RAPGEF2: variants seen among roughly 807,000 people sequenced by gnomAD.
RAPGEF2 encodes the protein PDZ domain containing guanine nucleotide exchange factor (GEF) 1.
A neutral mutation model predicts 186.7 loss-of-function variants in RAPGEF2; 54 were observed. The observed-to-expected ratio is 0.29, with a 90% CI of 0.23 to 0.36. RAPGEF2 has a LOEUF of 0.36. Ranked by LOEUF, RAPGEF2 falls within the 10% of genes least tolerant of loss-of-function variation. The pLI is 1.00. For missense variants in RAPGEF2, 1,532 were observed against 2,045.0 expected (o/e 0.75, Z 4.84); for synonymous variants, 712 against 705.9 (o/e 1.01, Z -0.14).
rs185801390 is a variant in RAPGEF2, at chr4:159,124,594, C to A, written c.69+20363C>A. On this transcript the variant is annotated intron_variant, in intron 1 of 29. Coordinates refer to ENST00000691494, the MANE Select transcript of RAPGEF2 (RefSeq NM_001394067.2). Reference sequence around the variant, plus strand: ...TAATTACAAGCCTGTAATCTTTTTGCTGAAGATATATCTTTACGCAAAGAA... The same window carrying A: ...TAATTACAAGCCTGTAATCTTTTTGATGAAGATATATCTTTACGCAAAGAA... 9.3e-4 allele frequency among the ~76,000 whole-genome samples: 142 copies of A among 152,206 alleles called. 1 individual carries two copies. The highest frequency in any genetic ancestry group is 6.3e-3 in the Admixed American group (97 of 15,294).
rs1747238712 is a variant in RAPGEF2 at position 159,183,542 on chromosome 4, CAAAAG to C, written c.70-3095_70-3091del. Among the ~76,000 whole-genome samples the C allele has an allele frequency of 2.0e-5, 3 of 152,044 alleles. No homozygotes were observed. In the South Asian group the frequency reaches 6.2e-4, roughly 32 times the overall value. ...AATATTACTCTAAAAGCTCATGCAA[CAAAAG>C]AAAATAAATTGGACTTCAAAATTAA... On this transcript the variant is annotated intron_variant, in intron 1 of 29. Transcript: ENST00000691494.
Position 159,294,687 on chromosome 4 carries a change from CTTCT to C in RAPGEF2, c.544-9651_544-9648del, listed in dbSNP as rs1380565634. ...CCTTCCTTCCTTCCTTCCTTCCTTC[CTTCT>C]TTCCGTCCGTCTGTCCGTCCTTCCA... On this transcript the variant is annotated intron_variant, in intron 7 of 29. Coordinates refer to ENST00000691494, the MANE Select transcript of RAPGEF2 (RefSeq NM_001394067.2). Among the ~76,000 whole-genome samples the C allele has an allele frequency of 2.8e-5, 4 of 142,270 alleles. No homozygotes were observed. In the East Asian group the frequency reaches 7.9e-4, roughly 28 times the overall value. 93.3% of individuals were successfully genotyped at this position (142,270 alleles called of 152,430 possible).
intron 3 of RAPGEF2, among the ~76,000 whole-genome samples, chr4:159,198,271 C>CTTCTTTCTTTCTTTCT (rs201152378): frequency 9.6e-6 from 1 of 104,484 alleles, no homozygotes; most frequent in Non-Finnish European, 1.8e-5. Context: ...TCTTTCTTTC[C>CTTCTTTCTTTCTTTCT]TTCTTTCTTT....
At chr4:159,181,377 A>ATC (rs1746991161) in intron 1 of RAPGEF2, among the ~76,000 whole-genome samples, 1 of 152,138 alleles carries the variant, frequency 6.6e-6, no homozygotes, top group Non-Finnish European at 1.5e-5. Context: ...ACTTTTCCAG[A>ATC]TACACTTTTC....
At chr4:159,253,179 G>A (rs1025742114) in intron 7 of RAPGEF2, among the ~76,000 whole-genome samples, 1 of 152,206 alleles carries the variant, frequency 6.6e-6, no homozygotes, top group African/African-American at 2.4e-5. Flanking sequence ...ATAAATGTGG[G>A]TGTTCTTTCA....
intron 9 of RAPGEF2, among the ~76,000 whole-genome samples, chr4:159,315,417 T>C (rs1764453225): frequency 6.6e-6 from 1 of 152,052 alleles, no homozygotes. Context: ...GTTTTAAGCC[T>C]AGTACCCTGT....
chr4:159,293,971 G>T (rs1761584815), intron 7 of RAPGEF2, among the ~76,000 whole-genome samples: 1 of 152,136 alleles, frequency 6.6e-6, no homozygotes, highest in Non-Finnish European at 1.5e-5. Flanking sequence ...AACTCAATTG[G>T]CACTTACGTA....
chr4:159,195,200 G>A (rs941985478), intron 3 of RAPGEF2, among the ~76,000 whole-genome samples: 4 of 152,182 alleles, frequency 2.6e-5, no homozygotes, highest in South Asian at 4.1e-4. Flanking sequence ...AGAGGCAAGT[G>A]CTCTTAACAT....
At chr4:159,307,351 A>G (rs1371552617) in intron 8 of RAPGEF2, among the ~76,000 whole-genome samples, 1 of 152,200 alleles carries the variant, frequency 6.6e-6, no homozygotes, top group Non-Finnish European at 1.5e-5. Flanking sequence ...TTAAAGAGAT[A>G]GTATACTAGT....
chr4:159,169,943 C>T (rs551647608), intron 1 of RAPGEF2, among the ~76,000 whole-genome samples: 34 of 152,088 alleles, frequency 2.2e-4, no homozygotes, highest in South Asian at 4.2e-4. Flanking sequence ...GTAGTGGGAC[C>T]GCTTGATCAT....
intron 7 of RAPGEF2, among the ~76,000 whole-genome samples, chr4:159,258,515 TGTTG>T (rs1357131797): frequency 6.6e-6 from 1 of 152,248 alleles, no homozygotes; most frequent in Non-Finnish European, 1.5e-5. Context: ...TAGTAAAGTC[TGTTG>T]GTTAATGCGT....
chr4:159,207,146 T>TG (rs991519038), intron 3 of RAPGEF2, among the ~76,000 whole-genome samples: 3 of 152,220 alleles, frequency 2.0e-5, no homozygotes, highest in South Asian at 2.1e-4. Flanking sequence ...TTGGATTCTT[T>TG]GGGGAATGTA....
intron 19 of RAPGEF2, among the ~76,000 whole-genome samples, chr4:159,340,968 A>G (rs962687104): frequency 6.6e-6 from 1 of 152,198 alleles, no homozygotes; most frequent in Non-Finnish European, 1.5e-5. Flanking sequence ...AATACCTACT[A>G]TCCACTTACC....
chr4:159,182,052 G>A (rs1257135627), intron 1 of RAPGEF2, among the ~76,000 whole-genome samples: 1 of 152,168 alleles, frequency 6.6e-6, no homozygotes, highest in Non-Finnish European at 1.5e-5. Context: ...ATTTAGGAAT[G>A]TACACTTTGT....
intron 7 of RAPGEF2, among the ~76,000 whole-genome samples, chr4:159,279,039 C>T (rs1411445340): frequency 6.6e-6 from 1 of 152,166 alleles, no homozygotes; most frequent in East Asian, 1.9e-4. Flanking sequence ...CCATACTCAG[C>T]AGCAACCTTC....
At chr4:159,314,198 A>G (rs923670384) in intron 8 of RAPGEF2, among the ~76,000 whole-genome samples, 6 of 152,216 alleles carry the variant, frequency 3.9e-5, no homozygotes, top group Non-Finnish European at 8.8e-5. Flanking sequence ...GCTTCTTGGC[A>G]TTAATAAATT....
chr4:159,343,971 A>C, intron 22 of RAPGEF2, 65 bp from the exon 23 acceptor site: 1 of 1,492,912 alleles, frequency 6.7e-7, no homozygotes, highest in Non-Finnish European at 9.3e-7. Context: ...TTTCTTTCTG[A>C]GCTTGTGATC....
At chr4:159,169,345 G>A (rs1257444531) in intron 1 of RAPGEF2, among the ~76,000 whole-genome samples, 1 of 152,108 alleles carries the variant, frequency 6.6e-6, no homozygotes, top group Non-Finnish European at 1.5e-5. Flanking sequence ...AAAATTATAG[G>A]TATTTATGGT....
chr4:159,180,254 G>A (rs1206460945), intron 1 of RAPGEF2, among the ~76,000 whole-genome samples: 1 of 152,186 alleles, frequency 6.6e-6, no homozygotes, highest in African/African-American at 2.4e-5. Flanking sequence ...TAATTTGCAT[G>A]TCTTTTGCTT....
Sources: gnomAD v4.1 joint callset for allele counts (sites outside exome capture counted in the v4.1 genomes callset) on GRCh38, gnomAD v4.1.1 for gene constraint, MANE v1.5 for transcripts, NCBI Gene and HGNC (gene_info 2026-07-23, HGNC 2026-07-21) for gene names.